The following ARK2N variants were observed in gnomAD, a reference collection of about 807,000 sequenced individuals.
ARK2N encodes protein ARK2N.
the ARK2N span, chr18:46,265,086 T>C: frequency 6.6e-6 from 1 of 152,584 alleles, no homozygotes; most frequent in Non-Finnish European, 1.5e-5. Flanking sequence ...GACCTTCACA[T>C]TTTACTTTAG....
chr18:46,193,987 G>T, the ARK2N span, among the ~76,000 whole-genome samples: 2 of 152,034 alleles, frequency 1.3e-5, no homozygotes, highest in Admixed American at 6.6e-5. Flanking sequence ...TAAGTTCAGT[G>T]CCCCTAACTT....
chr18:46,187,155 TTAC>T, the ARK2N span, among the ~76,000 whole-genome samples: 2 of 150,732 alleles, frequency 1.3e-5, no homozygotes, highest in African/African-American at 4.9e-5. Flanking sequence ...TGCCCAGCCC[TTAC>T]TACTACTTTT....
the ARK2N span, among the ~76,000 whole-genome samples, chr18:46,257,702 T>G: frequency 3.3e-5 from 5 of 152,010 alleles, no homozygotes; most frequent in African/African-American, 1.2e-4. Context: ...TATTTTTTCC[T>G]TCTACCGACC....
the ARK2N span, among the ~76,000 whole-genome samples, chr18:46,199,255 G>A: frequency 6.6e-6 from 1 of 151,782 alleles, no homozygotes; most frequent in African/African-American, 2.4e-5. Flanking sequence ...GTTATTTCAG[G>A]CTGAACTACA....
At chr18:46,233,388 A>G in the ARK2N span, among the ~76,000 whole-genome samples, 2 of 152,128 alleles carry the variant, frequency 1.3e-5, no homozygotes, top group Non-Finnish European at 2.9e-5. Flanking sequence ...TATGGATCTA[A>G]ATCCTCAAAG....
the ARK2N span, among the ~76,000 whole-genome samples, chr18:46,174,781 T>C: frequency 6.6e-6 from 1 of 152,176 alleles, no homozygotes; most frequent in Non-Finnish European, 1.5e-5. Context: ...GGGGAAGCAG[T>C]GGCGGCAACT....
chr18:46,255,445 C>CTTTTTTTTTTTTTTTTTTTTTTTTTTT, the ARK2N span, among the ~76,000 whole-genome samples: 1 of 77,742 alleles, frequency 1.3e-5, no homozygotes, highest in African/African-American at 6.1e-5. Flanking sequence ...CTTTTCTTTT[C>CTTTTTTTTTTTTTTTTTTTTTTTTTTT]TTTTTTTTTT....
At chr18:46,235,954 G>C in the ARK2N span, among the ~76,000 whole-genome samples, 1 of 152,202 alleles carries the variant, frequency 6.6e-6, no homozygotes, top group Non-Finnish European at 1.5e-5. Context: ...CAACAACGAA[G>C]AAGGCTTAAG....
the ARK2N span, chr18:46,264,756 A>T: frequency 7.0e-6 from 1 of 143,380 alleles, no homozygotes; most frequent in African/African-American, 2.7e-5. Context: ...TTTTTTGTAA[A>T]GACAAGTTTA....
At chr18:46,190,034 A>G in the ARK2N span, among the ~76,000 whole-genome samples, 4 of 152,200 alleles carry the variant, frequency 2.6e-5, no homozygotes, top group African/African-American at 7.2e-5. Context: ...TCTTCTAAAT[A>G]TATCTATCTA....
At chr18:46,208,584 G>A in the ARK2N span, among the ~76,000 whole-genome samples, 4 of 147,876 alleles carry the variant, frequency 2.7e-5, no homozygotes, top group South Asian at 4.3e-4. Flanking sequence ...GTTCTCCTGC[G>A]TCAGCCCCCC....
the ARK2N span, among the ~76,000 whole-genome samples, chr18:46,249,061 A>G: frequency 6.6e-6 from 1 of 152,152 alleles, no homozygotes; most frequent in East Asian, 1.9e-4. Context: ...CTTACCTGGC[A>G]GAGTCTGATC....
chr18:46,236,928 A>G, the ARK2N span, among the ~76,000 whole-genome samples: 1 of 148,946 alleles, frequency 6.7e-6, no homozygotes. Context: ...CAGTGGTGTG[A>G]TCTCAGCTCA....
the ARK2N span, among the ~76,000 whole-genome samples, chr18:46,223,418 A>G: frequency 6.6e-4 from 101 of 152,332 alleles, no homozygotes; most frequent in African/African-American, 2.2e-3. Context: ...TGTTTGCTGG[A>G]TAGAGCTGGG....
the ARK2N span, among the ~76,000 whole-genome samples, chr18:46,244,534 G>A: frequency 6.6e-6 from 1 of 150,654 alleles, no homozygotes; most frequent in Non-Finnish European, 1.5e-5. Context: ...AATCAGTATA[G>A]TGAAGGAGAT....
the ARK2N span, among the ~76,000 whole-genome samples, chr18:46,192,410 A>G: frequency 6.6e-6 from 1 of 152,108 alleles, no homozygotes; most frequent in Non-Finnish European, 1.5e-5. Context: ...CGTCTTTACT[A>G]AAAATACAAA....
the ARK2N span, among the ~76,000 whole-genome samples, chr18:46,228,073 A>T: frequency 1.3e-5 from 2 of 152,218 alleles, no homozygotes; most frequent in Admixed American, 6.5e-5. Flanking sequence ...ATAGTGCAAC[A>T]TTGGTTAACT....
At chr18:46,199,482 ATTTTTTTTTT>A in the ARK2N span, among the ~76,000 whole-genome samples, 1 of 82,410 alleles carries the variant, frequency 1.2e-5, no homozygotes, top group African/African-American at 4.5e-5. Flanking sequence ...CACCCAGCTC[ATTTTTTTTTT>A]TTTTTTTTTT....
the ARK2N span, among the ~76,000 whole-genome samples, chr18:46,243,385 T>G: frequency 6.6e-6 from 1 of 152,206 alleles, no homozygotes; most frequent in Non-Finnish European, 1.5e-5. Context: ...TTGAGCAGAC[T>G]ATTCAGGGGT....
Sources: allele counts gnomAD v4.1 joint callset (sites outside exome capture counted in the v4.1 genomes callset), GRCh38; gene constraint gnomAD v4.1.1; transcripts MANE v1.5; gene names NCBI Gene and HGNC (gene_info 2026-07-23, HGNC 2026-07-21).